ATP8A1: variants seen among roughly 807,000 people sequenced by gnomAD.
ATP8A1 encodes the protein ATPase phospholipid transporting 8A1, also known as phospholipid-transporting ATPase IA.
A neutral mutation model predicts 177.7 loss-of-function variants in ATP8A1; 90 were observed. The ratio of observed to expected loss-of-function variants is 0.51; its 90% confidence interval spans 0.43 to 0.60. The LOEUF is 0.60. Ranked by LOEUF, ATP8A1 falls within the 20% of genes least tolerant of loss-of-function variation. The pLI, the probability that ATP8A1 is intolerant of heterozygous loss-of-function variation, is 0.00. For missense variants in ATP8A1, 1,072 were observed against 1,392.8 expected (o/e 0.77, Z 3.67); for synonymous variants, 493 against 485.9 (o/e 1.01, Z -0.19).
intron 6 of ATP8A1, among the ~76,000 whole-genome samples, chr4:42,592,434 A>G (rs1734275901): frequency 6.6e-6 from 1 of 152,146 alleles, no homozygotes; most frequent in African/African-American, 2.4e-5. Context: ...AAAATTAAAT[A>G]CAAATTCAGG....
chr4:42,541,317 TA>T (rs1728365383), intron 20 of ATP8A1, among the ~76,000 whole-genome samples: 1 of 152,046 alleles, frequency 6.6e-6, no homozygotes, highest in Admixed American at 6.6e-5. Context: ...AAGCCAACAA[TA>T]AAATACCAGT....
intron 1 of ATP8A1, among the ~76,000 whole-genome samples, chr4:42,650,446 C>G (rs1031222388): frequency 6.6e-6 from 1 of 152,172 alleles, no homozygotes; most frequent in African/African-American, 2.4e-5. Context: ...TTAGCTGGCA[C>G]ACAGCTGGTG....
chr4:42,525,019 T>C (rs3811768), intron 20 of ATP8A1, among the ~76,000 whole-genome samples, 172 bp from the exon 21 acceptor site: 21,881 of 152,242 alleles, frequency 0.14, 1,803 homozygotes, highest in East Asian at 0.26. Flanking sequence ...CTAGTGACAT[T>C]AATAAGTCTC....
intron 6 of ATP8A1, among the ~76,000 whole-genome samples, chr4:42,596,113 T>C (rs938083417): frequency 1.3e-5 from 2 of 152,214 alleles, no homozygotes; most frequent in African/African-American, 4.8e-5. Context: ...GAGCTCCTAA[T>C]ACGGCATTCC....
chr4:42,550,802 C>A (rs924438254), intron 18 of ATP8A1, among the ~76,000 whole-genome samples: 36 of 152,150 alleles, frequency 2.4e-4, no homozygotes, highest in Non-Finnish European at 3.8e-4. Flanking sequence ...TATTGGCCAT[C>A]CATATAGCTT....
intron 30 of ATP8A1, among the ~76,000 whole-genome samples, chr4:42,450,993 T>C (rs2153177732): frequency 1.3e-5 from 2 of 152,258 alleles, no homozygotes; most frequent in Middle Eastern, 3.4e-3. Flanking sequence ...GAAGGCTTCT[T>C]GAGCACAGAC....
At chr4:42,422,635 C>T (rs78731937) in intron 35 of ATP8A1, among the ~76,000 whole-genome samples, 172 bp downstream of exon 35, 2 of 152,122 alleles carry the variant, frequency 1.3e-5, no homozygotes, top group African/African-American at 4.8e-5. Context: ...TAGCCAAGGG[C>T]ACAGTTTAGA....
At chr4:42,553,185 G>A (rs1729683957) in intron 16 of ATP8A1, among the ~76,000 whole-genome samples, 1 of 152,164 alleles carries the variant, frequency 6.6e-6, no homozygotes, top group South Asian at 2.1e-4. Context: ...TTGTCAAATA[G>A]AAATAGTATA....
At chr4:42,480,338 T>C (rs1721546454) in intron 25 of ATP8A1, among the ~76,000 whole-genome samples, 1 of 152,192 alleles carries the variant, frequency 6.6e-6, no homozygotes, top group Admixed American at 6.5e-5. Context: ...ATAAAGTGTA[T>C]TCAGTGTGTC....
chr4:42,498,387 G>A (rs1230117287), intron 24 of ATP8A1, among the ~76,000 whole-genome samples: 1 of 152,180 alleles, frequency 6.6e-6, no homozygotes, highest in Non-Finnish European at 1.5e-5. Flanking sequence ...CTTACATGGT[G>A]TTAGAATGTC....
At chr4:42,571,157 T>C (rs1044347484) in intron 14 of ATP8A1, among the ~76,000 whole-genome samples, 5 of 152,162 alleles carry the variant, frequency 3.3e-5, no homozygotes, top group African/African-American at 4.8e-5. Flanking sequence ...TCTTGGGGGA[T>C]AGTATTATGA....
intron 22 of ATP8A1, among the ~76,000 whole-genome samples, chr4:42,514,732 C>G (rs1268592069): frequency 1.3e-5 from 2 of 152,272 alleles, no homozygotes; most frequent in East Asian, 3.9e-4. Context: ...AGCATGGGAT[C>G]TGGAATTAAG....
chr4:42,440,239 C>T (rs548762337), intron 33 of ATP8A1, among the ~76,000 whole-genome samples: 2 of 152,276 alleles, frequency 1.3e-5, no homozygotes, highest in South Asian at 4.1e-4. Context: ...ACCTGTTTTA[C>T]TGGAATAGCC....
chr4:42,462,120 A>G (rs935823424), intron 27 of ATP8A1, among the ~76,000 whole-genome samples: 1 of 152,244 alleles, frequency 6.6e-6, no homozygotes, highest in African/African-American at 2.4e-5. Context: ...AGTTCAAAAA[A>G]TTTGCAGCCT....
At chr4:42,518,432 T>C (rs1474777182) in intron 22 of ATP8A1, among the ~76,000 whole-genome samples, 1 of 152,168 alleles carries the variant, frequency 6.6e-6, no homozygotes, top group African/African-American at 2.4e-5. Context: ...CAAACTGTGC[T>C]TAGTGGATCC....
In ATP8A1 at chr4:42,522,274, C is replaced by T. The variant is rs1333594541; in HGVS notation, c.1833G>A (p.Val611=). ...TEGLRTLCFA[V]AEISESDFQE... is the part of the protein sequence containing the mutation. ...GAAAGTCGCTCTCTGAAATCTCAGC[C>T]ACAGCAAAACATAAAGTTCTTAACC... Residue 611 remains valine, a synonymous_variant, in exon 22 of 37, where the codon GTG becomes GTA. Coordinates refer to ENST00000381668, the MANE Select transcript of ATP8A1 (RefSeq NM_006095.2). 6.2e-7 allele frequency: 1 copy of T among 1,613,564 alleles called. No individual in the cohort carries two copies. Among genetic ancestry groups the T allele is most frequent in the Non-Finnish European group, 8.5e-7 (1 of 1,179,846 alleles).
At chr4:42,636,397 C>G (rs56963221) in intron 1 of ATP8A1, among the ~76,000 whole-genome samples, 1 of 106,084 alleles carries the variant, frequency 9.4e-6, no homozygotes, top group Non-Finnish European at 2.3e-5. Context: ...TGTTCAGAGA[C>G]GGGTAGGGGG....
chr4:42,590,133 G>C (rs1188338064), intron 7 of ATP8A1, among the ~76,000 whole-genome samples: 2 of 152,138 alleles, frequency 1.3e-5, no homozygotes, highest in Non-Finnish European at 2.9e-5. Flanking sequence ...GGCAAAGCAG[G>C]CTTTTTGATT....
At chr4:42,634,368 T>C (rs1739061336) in intron 1 of ATP8A1, among the ~76,000 whole-genome samples, 1 of 152,248 alleles carries the variant, frequency 6.6e-6, no homozygotes, top group Admixed American at 6.5e-5. Context: ...TTTGGATGTG[T>C]TGGGTTACAT....
Sources: gnomAD v4.1 joint callset for allele counts (sites outside exome capture counted in the v4.1 genomes callset) on GRCh38, gnomAD v4.1.1 for gene constraint, MANE v1.5 for transcripts, NCBI Gene and HGNC (gene_info 2026-07-23, HGNC 2026-07-21) for gene names.